E2F6: variants seen among roughly 807,000 people sequenced by gnomAD.
E2F6 encodes E2F transcription factor 6.
In E2F6, 19 loss-of-function variants were observed where a neutral mutation model predicts 31.5. The ratio of observed to expected loss-of-function variants is 0.60; its 90% CI spans 0.42 to 0.89. E2F6 has a LOEUF of 0.89. Ranked by LOEUF, E2F6 falls within the 40% of genes least tolerant of loss-of-function variation. E2F6 has a pLI of 0.00. For missense variants in E2F6, 269 were observed against 341.6 expected (o/e 0.79, Z 1.67); for synonymous variants, 121 against 127.7 (o/e 0.95, Z 0.36).
At chr2:11,453,900 A>G (rs747570127) in intron 2 of E2F6, 102 bp from the exon 3 acceptor site, 87 of 1,006,532 alleles carry the variant, frequency 8.6e-5, no homozygotes, top group Non-Finnish European at 1.3e-4. Context: ...AGACATCTAC[A>G]GAAATGCCTA....
chr2:11,465,572 T>C (rs149986228), intron 1 of E2F6, among the ~76,000 whole-genome samples, 200 bp downstream of exon 1: 1,553 of 152,316 alleles, frequency 0.01, 5 homozygotes, highest in Middle Eastern at 0.034. Flanking sequence ...TGTAAAAGCC[T>C]AGAAGACTGA....
rs765422791 is a variant in E2F6 at position 11,453,659 on chromosome 2, C to T, written c.303G>A (p.Arg101=). 8.7e-6 allele frequency: 14 copies of T among 1,614,040 alleles called. No homozygotes were observed. The highest frequency in any genetic ancestry group is 1.2e-5 in the Non-Finnish European group (14 of 1,180,050). The change falls in exon 3 of 7, where the codon CGG becomes CGA. Residue 101 remains arginine, a synonymous_variant. Coordinates refer to ENST00000381525, the MANE Select transcript of E2F6 (RefSeq NM_198256.4). ...AGACATTGGTGATGTCATACACTCT[C>T]CGCTTTCGGACTCCCAGTTTCGTTG... ...KVATKLGVRK[R]RVYDITNVLD...
At position 11,447,673 on chromosome 2, in the gene E2F6, G is replaced by A. The variant is rs772076652; in HGVS notation, c.753C>T (p.Val251=). 69 of 1,611,840 alleles carry A rather than the reference G, an allele frequency of 4.3e-5. No individual in the cohort carries two copies. The highest frequency in any genetic ancestry group is 4.5e-4 in the Middle Eastern group (2 of 4,458). ...GQTSNKRSEG[V]GTSSSESTHP... is the part of the protein sequence containing the mutation. ...GAGTGCTCTCAGATGAAGAGGTCCC[G>A]ACACCTTCAGACCTTTTGTTACTGG... is the stretch of plus-strand genomic sequence containing the variant. The change falls in exon 6 of 7, where the codon GTC becomes GTT. Residue 251 remains valine, a synonymous_variant. Coordinates refer to ENST00000381525, the MANE Select transcript of E2F6 (RefSeq NM_198256.4).
intron 1 of E2F6, 97 bp downstream of exon 1, chr2:11,465,675 G>C: frequency 2.3e-6 from 3 of 1,292,396 alleles, no homozygotes. Context: ...GGGAGCAGAC[G>C]ACCCAGACGA....
At chr2:11,452,989 G>A (rs531990918) in intron 3 of E2F6, among the ~76,000 whole-genome samples, 76 of 152,252 alleles carry the variant, frequency 5.0e-4, no homozygotes, top group African/African-American at 1.8e-3. Flanking sequence ...AGGTCACTAT[G>A]TACTTATTTG....
intron 1 of E2F6, among the ~76,000 whole-genome samples, chr2:11,458,516 G>C (rs1671555235): frequency 6.6e-6 from 1 of 152,218 alleles, no homozygotes; most frequent in Admixed American, 6.5e-5. Context: ...TAAAACTAAT[G>C]CTAAAGAGTT....
chr2:11,460,877 T>G (rs1430473102), intron 1 of E2F6, among the ~76,000 whole-genome samples: 3 of 152,180 alleles, frequency 2.0e-5, no homozygotes, highest in Non-Finnish European at 4.4e-5. Context: ...GGCTACAATG[T>G]CACCAGGTGA....
chr2:11,444,610 A>C lies in E2F6; in HGVS notation c.*1867T>G, dbSNP rs1670613604. On this transcript the variant is annotated 3_prime_UTR_variant, in exon 7 of 7. Transcript: ENST00000381525. ...CCGCCCCATTATTCCTTCTCAGGAG[A>C]CTTCTTCTGTATTTCTCCTTAAATA... The C allele has an allele frequency of 7.9e-6, 1 of 127,216 alleles. No individual in the cohort carries two copies. Among genetic ancestry groups the C allele is most frequent in the Non-Finnish European group, 1.6e-5 (1 of 62,732 alleles). The allele number at this position is 127,216 out of a possible 1,614,324, so 7.9% of individuals were successfully genotyped here. A position where few individuals can be genotyped will look rare whatever the true frequency, so the allele number is the denominator to read the frequency against.
rs1670659821 is a variant in E2F6, at chr2:11,445,442, G to A, written c.*1035C>T. The A allele has an allele frequency of 6.5e-6, 1 of 152,674 alleles. No homozygotes were observed. The highest frequency in any genetic ancestry group is 1.5e-5 in the Non-Finnish European group (1 of 68,052). 9.5% of individuals were successfully genotyped at this position (152,674 alleles called of 1,614,324 possible). A position where few individuals can be genotyped will look rare whatever the true frequency, so the allele number is the denominator to read the frequency against. ...TAAACTGAGGCACAGAGTGGTAAATGACTTACCCAATGAGGTAGAAACAGC... is the reference window on the plus strand; with the variant it reads ...TAAACTGAGGCACAGAGTGGTAAATAACTTACCCAATGAGGTAGAAACAGC... On this transcript the variant is annotated 3_prime_UTR_variant, in exon 7 of 7. Transcript: ENST00000381525.
chr2:11,447,260 C>T (rs1298394469), intron 6 of E2F6, among the ~76,000 whole-genome samples: 1 of 152,120 alleles, frequency 6.6e-6, no homozygotes, highest in Non-Finnish European at 1.5e-5. Flanking sequence ...CTGCCTGGGT[C>T]AAGCAGGTCT....
chr2:11,455,587 A>T, intron 2 of E2F6: 1 of 606,514 alleles, frequency 1.6e-6, no homozygotes. Flanking sequence ...TTCTAACTTT[A>T]AAAAGCATAT....
intron 1 of E2F6, among the ~76,000 whole-genome samples, chr2:11,463,695 T>A (rs912262864): frequency 2.0e-5 from 3 of 152,158 alleles, no homozygotes; most frequent in African/African-American, 7.2e-5. Context: ...CTCACGCCTG[T>A]AATCCCAGCA....
chr2:11,446,741 C>T (rs964481983), intron 6 of E2F6, among the ~76,000 whole-genome samples: 3 of 152,134 alleles, frequency 2.0e-5, no homozygotes, highest in Admixed American at 6.5e-5. Flanking sequence ...AGCACCCGTC[C>T]GAGAATGGAG....
rs138093225 is a variant in E2F6 at position 11,456,814 on chromosome 2, G to A, written c.163+365C>T. Among the ~76,000 whole-genome samples, 431 of 152,162 alleles carry A rather than the reference G, an allele frequency of 2.8e-3. 10 individuals carry two copies. The highest frequency in any genetic ancestry group is 0.024 in the Admixed American group (363 of 15,276). On this transcript the variant is annotated intron_variant, in intron 2 of 6. Transcript: ENST00000381525. ...TGAGATTAGGAAGCTGAGGTGGGGC[G>A]GTCTATCATGGAAACTTCCAGAAGA...
At chr2:11,447,843 T>G in intron 5 of E2F6, 69 bp from the exon 6 acceptor site, 1 of 1,531,314 alleles carries the variant, frequency 6.5e-7, no homozygotes, top group Non-Finnish European at 8.8e-7. Context: ...TCACTAGAAC[T>G]GCAAAAATTT....
chr2:11,451,892 T>G (rs995623993), intron 3 of E2F6, 86 bp from the exon 4 acceptor site: 4 of 1,324,180 alleles, frequency 3.0e-6, no homozygotes, highest in East Asian at 5.0e-5. Flanking sequence ...CTTCTCCAAA[T>G]GTTTGCCATA....
At chr2:11,460,208 C>A (rs1328243207) in intron 1 of E2F6, among the ~76,000 whole-genome samples, 1 of 152,134 alleles carries the variant, frequency 6.6e-6, no homozygotes, top group Admixed American at 6.5e-5. Flanking sequence ...GCTGGTTAAA[C>A]CTTTCTCTAT....
intron 6 of E2F6, among the ~76,000 whole-genome samples, chr2:11,446,823 T>G (rs1219046547): frequency 2.0e-5 from 3 of 152,226 alleles, no homozygotes; most frequent in Non-Finnish European, 4.4e-5. Flanking sequence ...TTCGTAATCC[T>G]TGTGTCTTTG....
intron 6 of E2F6, among the ~76,000 whole-genome samples, chr2:11,446,772 C>T (rs568532189): frequency 2.4e-4 from 37 of 152,332 alleles, no homozygotes; most frequent in African/African-American, 8.7e-4. Flanking sequence ...CTTATTAGGG[C>T]TTTATTAGTT....
Sources: gnomAD v4.1 joint callset for allele counts (sites outside exome capture counted in the v4.1 genomes callset) on GRCh38, gnomAD v4.1.1 for gene constraint, MANE v1.5 for transcripts, NCBI Gene and HGNC (gene_info 2026-07-23, HGNC 2026-07-21) for gene names.